Variants in NCAPG2 observed in about 807,000 individuals in gnomAD.
NCAPG2 encodes non-SMC condensin II complex subunit G2.
A neutral mutation model predicts 141.1 loss-of-function variants in NCAPG2; 53 were observed. The observed-to-expected ratio is 0.38, with a 90% CI of 0.30 to 0.47. NCAPG2 has a LOEUF of 0.47. NCAPG2 is among the 20% of genes least tolerant of loss of function. The pLI is 0.99. For missense variants in NCAPG2, 1,087 were observed against 1,389.0 expected, an observed-to-expected ratio of 0.78 and a Z score of 3.46; for synonymous variants, 499 against 490.7, an observed-to-expected ratio of 1.02 and a Z score of -0.22.
intron 8 of NCAPG2, among the ~76,000 whole-genome samples, chr7:158,684,794 C>T (rs1471425416): frequency 6.6e-6 from 1 of 152,260 alleles, no homozygotes; most frequent in Non-Finnish European, 1.5e-5. Context: ...CTCAGGTGAT[C>T]CACCCTCCTC....
At chr7:158,648,865 C>T (rs879121119) in intron 24 of NCAPG2, among the ~76,000 whole-genome samples, 3 of 151,714 alleles carry the variant, frequency 2.0e-5, no homozygotes, top group Admixed American at 6.6e-5. Flanking sequence ...ACTACAACCA[C>T]GGCAAATGGA....
Position 158,635,357 on chromosome 7 carries a change from A to G in NCAPG2, c.3381-3640T>C, listed in dbSNP as rs1425634827. Among the ~76,000 whole-genome samples, 9 of 152,190 alleles carry G rather than the reference A, an allele frequency of 5.9e-5. No individual in the cohort carries two copies. The East Asian group carries it at 1.7e-3, about 29-fold the overall frequency. On this transcript the variant is annotated intron_variant, in intron 27 of 27. Transcript: ENST00000356309. ...AAAAGAGAGGCCATTTTCAGGGAGT[A>G]CTCTTTCCCTTCAAGGTTTAATGTT...
At chr7:158,659,952 AT>A (rs1832345948) in intron 16 of NCAPG2, among the ~76,000 whole-genome samples, 1 of 152,154 alleles carries the variant, frequency 6.6e-6, no homozygotes, top group Non-Finnish European at 1.5e-5. Context: ...TCTACTAAAA[AT>A]ACAAAAATAT....
chr7:158,668,317 G>A (rs1380842276), intron 13 of NCAPG2: 1 of 896,200 alleles, frequency 1.1e-6, no homozygotes, highest in African/African-American at 2.5e-5. Flanking sequence ...CCCACTACTG[G>A]GTCCCTCCGC....
In NCAPG2 at chr7:158,674,607, A is replaced by G. The variant is rs73732805; in HGVS notation, c.1326+870T>C. ...ACCTAGCCCAGAAAACTTTTCCAAT[A>G]CAGAAAATAAGCAAGCAGGTTCCTG... On this transcript the variant is annotated intron_variant, in intron 12 of 27. Transcript: ENST00000356309. Among the ~76,000 whole-genome samples, 616 of 152,336 alleles carry G rather than the reference A, an allele frequency of 4.0e-3. 4 individuals are homozygous for G. Among genetic ancestry groups the G allele is most frequent in the African/African-American group, 0.014 (581 of 41,576 alleles).
Position 158,693,346 on chromosome 7 carries a change from C to T in NCAPG2, c.230G>A (p.Gly77Asp). ...ATGTTCGGTTTCCATATTGTCTTCA[C>T]CCTGGGCTTCCACTACCTGCCACCC... ...VDGWQVVEAQ[G>D]EDNMETEHGS... The change falls in exon 3 of 28, where the codon GGT becomes GAT. Residue 77 changes from glycine to aspartate, a missense_variant. Transcript: ENST00000356309. 6.2e-7 allele frequency: 1 copy of T among 1,614,048 alleles called. No individual in the cohort carries two copies. The highest frequency in any genetic ancestry group is 8.5e-7 in the Non-Finnish European group (1 of 1,179,992).
At chr7:158,660,218 G>A (rs1832374217) in intron 16 of NCAPG2, among the ~76,000 whole-genome samples, 1 of 151,972 alleles carries the variant, frequency 6.6e-6, no homozygotes, top group Non-Finnish European at 1.5e-5. Context: ...ATTTTCCTTA[G>A]TGGTGGAGAG....
At chr7:158,698,286 G>A (rs552457929) in intron 2 of NCAPG2, among the ~76,000 whole-genome samples, 2 of 152,178 alleles carry the variant, frequency 1.3e-5, no homozygotes, top group Non-Finnish European at 2.9e-5. Flanking sequence ...TAGCCCAAGT[G>A]TAATGTGTTT....
chr7:158,678,763 T>C (rs945298251), intron 11 of NCAPG2, among the ~76,000 whole-genome samples: 1 of 151,806 alleles, frequency 6.6e-6, no homozygotes, highest in Non-Finnish European at 1.5e-5. Context: ...TAGATAAATA[T>C]ACATAATGTA....
intron 27 of NCAPG2, chr7:158,640,507 T>A (rs889695266): frequency 3.3e-5 from 5 of 152,152 alleles, no homozygotes; most frequent in African/African-American, 1.2e-4. Context: ...CGTTCCACCC[T>A]AGGCAACAGA....
chr7:158,692,132 C>A (rs1405722300), intron 4 of NCAPG2, among the ~76,000 whole-genome samples: 1 of 152,088 alleles, frequency 6.6e-6, no homozygotes. Flanking sequence ...CAGTTAGATC[C>A]TGTCTCTACC....
intron 12 of NCAPG2, among the ~76,000 whole-genome samples, chr7:158,674,939 A>C (rs558789674): frequency 6.6e-6 from 1 of 152,336 alleles, no homozygotes; most frequent in South Asian, 2.1e-4. Context: ...CCTCTGGTTC[A>C]TTCCACACCT....
intron 27 of NCAPG2, chr7:158,641,482 G>A (rs1830640722): frequency 2.9e-6 from 2 of 682,380 alleles, no homozygotes; most frequent in Non-Finnish European, 2.7e-6. Context: ...TTGGGACTGA[G>A]GCAGAAGGAT....
chr7:158,680,880 C>A, intron 9 of NCAPG2, 64 bp from the exon 10 acceptor site: 1 of 1,256,866 alleles, frequency 8.0e-7, no homozygotes, highest in Non-Finnish European at 1.1e-6. Context: ...AATAAAATGG[C>A]ATTTGGAAAG....
Position 158,660,401 on chromosome 7 carries a change from C to CTTTTTTT in NCAPG2, c.1989+1786_1989+1792dup, listed in dbSNP as rs945928092. On this transcript the variant is annotated intron_variant, in intron 16 of 27. Coordinates refer to ENST00000356309, the MANE Select transcript of NCAPG2 (RefSeq NM_017760.7). ...AGTCCCAGGTCATTATTTCAGCTTT[C>CTTTTTTT]TTTTTTTTTTTTTTTTTTTTTTTTT... Among the ~76,000 whole-genome samples, 65 of 72,810 alleles carry CTTTTTTT rather than the reference C, an allele frequency of 8.9e-4. 4 individuals carry two copies. The highest frequency in any genetic ancestry group is 8.5e-3 in the East Asian group (13 of 1,524). The allele number at this position is 72,810 out of a possible 152,430, so 47.8% of individuals were successfully genotyped here.
intron 2 of NCAPG2, among the ~76,000 whole-genome samples, chr7:158,694,870 A>C (rs1835350368): frequency 6.7e-6 from 1 of 150,274 alleles, no homozygotes; most frequent in African/African-American, 2.5e-5. Flanking sequence ...CGTTTCCTTG[A>C]CCCTCCTCCC....
At chr7:158,684,886 T>C (rs1229615381) in intron 8 of NCAPG2, among the ~76,000 whole-genome samples, 1 of 152,158 alleles carries the variant, frequency 6.6e-6, no homozygotes, top group Non-Finnish European at 1.5e-5. Flanking sequence ...GTGATAAACC[T>C]TGGCAATACA....
intron 9 of NCAPG2, among the ~76,000 whole-genome samples, chr7:158,681,252 C>A (rs547333005): frequency 1.3e-5 from 2 of 152,300 alleles, no homozygotes; most frequent in South Asian, 4.1e-4. Flanking sequence ...TGTTTCATAA[C>A]TTTGTAACAA....
chr7:158,637,165 T>C (rs1830275768), intron 27 of NCAPG2, among the ~76,000 whole-genome samples: 2 of 152,282 alleles, frequency 1.3e-5, no homozygotes, highest in East Asian at 1.9e-4. Context: ...GCCAGGATGG[T>C]CTCGATCTCC....
Sources: allele counts gnomAD v4.1 joint callset (sites outside exome capture counted in the v4.1 genomes callset), GRCh38; gene constraint gnomAD v4.1.1; transcripts MANE v1.5; gene names NCBI Gene and HGNC (gene_info 2026-07-23, HGNC 2026-07-21).